APLP2: variants seen among roughly 807,000 people sequenced by gnomAD.
APLP2 encodes CDEI box-binding protein.
APLP2 carries 53 observed loss-of-function variants against 89.9 expected under a neutral mutation model. That is an observed-to-expected ratio of 0.59 (90% CI 0.47 to 0.74). APLP2 has a LOEUF of 0.74. APLP2 is among the 30% of genes least tolerant of loss of function. The probability of loss-of-function intolerance (pLI) is 0.00; values close to 1 mark genes in which losing one functional copy is unlikely to be tolerated. For synonymous variants in APLP2, 372 were observed against 348.6 expected (o/e 1.07, Z -0.75); for missense variants, 973 against 975.9 (o/e 1.00, Z 0.04).
intron 1 of APLP2, among the ~76,000 whole-genome samples, chr11:130,078,088 G>T (rs1308396438): frequency 6.6e-6 from 1 of 151,530 alleles, no homozygotes; most frequent in Non-Finnish European, 1.5e-5. Context: ...CTGACTTTAT[G>T]GTATCACTTT....
rs539497484 is a variant in APLP2 at position 130,139,954 on chromosome 11, G to A, written c.1838-444G>A. Among the ~76,000 whole-genome samples the A allele has an allele frequency of 3.9e-5, 6 of 152,310 alleles. No individual in the cohort carries two copies. In the South Asian group the frequency reaches 1.2e-3, roughly 32 times the overall value. On this transcript the variant is annotated intron_variant, in intron 13 of 16. Transcript: ENST00000338167. Reference sequence around the variant, plus strand: ...GTATTTGAGGCAGAATGAATTCCCTGTGGGCTAACCTACTATGTCCAAGGC... The same window carrying A: ...GTATTTGAGGCAGAATGAATTCCCTATGGGCTAACCTACTATGTCCAAGGC...
chr11:130,109,285 C>A, intron 1 of APLP2, 144 bp from the exon 2 acceptor site: 1 of 736,474 alleles, frequency 1.4e-6, no homozygotes, highest in Non-Finnish European at 2.1e-6. Flanking sequence ...GTTCTAGCTC[C>A]TGGGAAAAGG....
chr11:130,135,104 C>CGTCTAGAGATGGGATGGACAG (rs371973895), intron 12 of APLP2, among the ~76,000 whole-genome samples: 1,585 of 151,766 alleles, frequency 0.01, 29 homozygotes, highest in African/African-American at 0.037. Context: ...GGGGTGGATA[C>CGTCTAGAGATGGGATGGACAG]GTCTAGAGAT....
intron 1 of APLP2, among the ~76,000 whole-genome samples, chr11:130,106,837 C>T (rs540239336): frequency 2.1e-4 from 32 of 152,264 alleles, no homozygotes; most frequent in African/African-American, 7.0e-4. Context: ...TACCGGCATC[C>T]GCCACCACGC....
At position 130,106,888 on chromosome 11, in the gene APLP2, C is replaced by CA. The variant is rs199979010; in HGVS notation, c.106-2540dup. Among the ~76,000 whole-genome samples the CA allele has an allele frequency of 8.8e-3, 1,334 of 151,964 alleles. 23 individuals carry two copies. Among genetic ancestry groups the CA allele is most frequent in the African/African-American group, 0.03 (1,237 of 41,304 alleles). ...ATTTTTAGTAGGGACGGGGTTTTGC[C>CA]ATGTTGGACAGGCTGGTCTCGAACT... is the stretch of plus-strand genomic sequence containing the variant. On this transcript the variant is annotated intron_variant, in intron 1 of 16. Coordinates refer to ENST00000338167, the MANE Select transcript of APLP2 (RefSeq NM_001142276.2).
At chr11:130,074,864 G>T (rs1360977794) in intron 1 of APLP2, among the ~76,000 whole-genome samples, 1 of 152,162 alleles carries the variant, frequency 6.6e-6, no homozygotes, top group African/African-American at 2.4e-5. Context: ...AAAAGTAGGG[G>T]TAAATCTTTG....
intron 1 of APLP2, among the ~76,000 whole-genome samples, chr11:130,079,766 T>C (rs984366153): frequency 2.6e-5 from 4 of 152,208 alleles, no homozygotes; most frequent in Admixed American, 6.5e-5. Flanking sequence ...AGCTAAAATG[T>C]TCAGATAGAA....
chr11:130,121,848 T>G (rs376609298), intron 5 of APLP2, 38 bp downstream of exon 5: 17 of 1,590,426 alleles, frequency 1.1e-5, no homozygotes, highest in Non-Finnish European at 1.4e-5. Context: ...TCGTTTTGCC[T>G]TTTTGTTAGC....
At chr11:130,114,142 C>A (rs1948913275) in intron 3 of APLP2, 1 of 152,214 alleles carries the variant, frequency 6.6e-6, no homozygotes, top group South Asian at 2.1e-4. Context: ...AGACCCTACT[C>A]AGGTTTCACC....
intron 3 of APLP2, among the ~76,000 whole-genome samples, chr11:130,117,000 G>A (rs1013676164): frequency 3.3e-5 from 5 of 151,700 alleles, no homozygotes; most frequent in South Asian, 2.1e-4. Context: ...GTGTGGTGGC[G>A]AACGCCTGTA....
chr11:130,079,790 G>C lies in APLP2; in HGVS notation c.105+9708G>C, dbSNP rs149994311. On this transcript the variant is annotated intron_variant, in intron 1 of 16. Transcript: ENST00000338167. ...GTTCAGATAGAAAAGACAATAGCTA[G>C]TGTCTTAGTCTGACTTCTCTCAGAG... is the stretch of plus-strand genomic sequence containing the variant. 1.5e-4 allele frequency among the ~76,000 whole-genome samples: 22 copies of C among 151,212 alleles called. 1 individual carries two copies. The East Asian group carries it at 3.9e-3, about 26-fold the overall frequency.
intron 3 of APLP2, among the ~76,000 whole-genome samples, chr11:130,118,327 A>G (rs1949445229): frequency 6.6e-6 from 1 of 152,172 alleles, no homozygotes; most frequent in Admixed American, 6.5e-5. Flanking sequence ...TTCTGTTTTT[A>G]TTTTAAACAA....
chr11:130,137,953 A>G (rs567781433), intron 13 of APLP2, among the ~76,000 whole-genome samples: 20 of 152,262 alleles, frequency 1.3e-4, no homozygotes, highest in Middle Eastern at 6.8e-3. Context: ...TAGGATGAGT[A>G]GTGTTTTTAG....
Position 130,142,827 on chromosome 11 carries a change from T to TGATC in APLP2, c.2155-519_2155-516dup, listed in dbSNP as rs1264312652. On this transcript the variant is annotated intron_variant, in intron 16 of 16. Coordinates refer to ENST00000338167, the MANE Select transcript of APLP2 (RefSeq NM_001142276.2). ...TAGGATTTCCCCATATTGACCAGGGTGATCTCAAATCCTGACCTCAAGTGA... is the reference window on the plus strand; with the variant it reads ...TAGGATTTCCCCATATTGACCAGGGTGATCGATCTCAAATCCTGACCTCAAGTGA... Among the ~76,000 whole-genome samples, 15 of 152,260 alleles carry TGATC rather than the reference T, an allele frequency of 9.9e-5. No individual in the cohort carries two copies. The East Asian group carries it at 1.9e-3, about 20-fold the overall frequency.
intron 1 of APLP2, among the ~76,000 whole-genome samples, chr11:130,083,097 A>G (rs1360300487): frequency 2.2e-5 from 3 of 134,324 alleles, no homozygotes; most frequent in Non-Finnish European, 4.6e-5. Context: ...GTGCAGTGGC[A>G]CAATCATAGC....
chr11:130,120,752 G>T lies in APLP2; in HGVS notation c.450G>T (p.Gln150His). 6.2e-7 allele frequency: 1 copy of T among 1,614,008 alleles called. No homozygotes were observed. Among genetic ancestry groups the T allele is most frequent in the Non-Finnish European group, 8.5e-7 (1 of 1,179,896 alleles). Residue 150 changes from glutamine (Q) to histidine (H), a missense_variant, in exon 4 of 17, where the codon CAG becomes CAT. Physicochemically the swap from Gln to His is conservative, Grantham distance 24. Transcript: ENST00000338167. ...SDVLLVPEKC[Q>H]FFHKERMEVC... ...TCCTGCTAGTTCCAGAAAAGTGCCA[G>T]TTTTTCCACAAAGAGCGGATGGAGG...
At chr11:130,076,975 C>CTA (rs1942253229) in intron 1 of APLP2, among the ~76,000 whole-genome samples, 1 of 152,100 alleles carries the variant, frequency 6.6e-6, no homozygotes, top group African/African-American at 2.4e-5. Context: ...GGTGCAGCCT[C>CTA]TAATCAGGTT....
At chr11:130,084,062 C>T (rs1182520447) in intron 1 of APLP2, among the ~76,000 whole-genome samples, 6 of 152,160 alleles carry the variant, frequency 3.9e-5, no homozygotes, top group African/African-American at 2.4e-5. Context: ...CTGGCTAACA[C>T]GGTGAAACCC....
intron 1 of APLP2, among the ~76,000 whole-genome samples, chr11:130,097,331 T>A (rs1386502389): frequency 2.0e-5 from 3 of 152,252 alleles, no homozygotes; most frequent in Non-Finnish European, 4.4e-5. Context: ...ATTGTCAGAT[T>A]TTCTTGTTAT....
Sources: gnomAD v4.1 joint callset for allele counts (sites outside exome capture counted in the v4.1 genomes callset) on GRCh38, gnomAD v4.1.1 for gene constraint, MANE v1.5 for transcripts, NCBI Gene and HGNC (gene_info 2026-07-23, HGNC 2026-07-21) for gene names.